PTPRB: variants seen among roughly 807,000 people sequenced by gnomAD.
The protein encoded by PTPRB is receptor-type tyrosine-protein phosphatase beta.
Under a neutral mutation model 238.1 loss-of-function variants are expected in PTPRB, and 97 were observed. The observed-to-expected ratio is 0.41, with a 90% confidence interval of 0.35 to 0.48. The LOEUF (loss-of-function observed/expected upper bound fraction) is 0.48, where lower values mean the gene tolerates loss of function less well. Among genes scored for constraint, PTPRB ranks in the 20% least tolerant of loss-of-function variants. The pLI, the probability that PTPRB is intolerant of heterozygous loss-of-function variation, is 0.30. For missense variants in PTPRB, 2,292 were observed against 2,681.9 expected (o/e 0.85, Z 3.21); for synonymous variants, 970 against 995.4 (o/e 0.97, Z 0.48).
chr12:70,596,386 A>G, intron 4 of PTPRB, 59 bp from the exon 5 acceptor site: 6 of 1,324,556 alleles, frequency 4.5e-6, no homozygotes, highest in Non-Finnish European at 5.8e-6. Flanking sequence ...AGAAAAAAAA[A>G]GAACATGGCT....
intron 10 of PTPRB, among the ~76,000 whole-genome samples, chr12:70,577,996 T>C (rs1278603238): frequency 6.6e-6 from 1 of 152,220 alleles, no homozygotes; most frequent in Non-Finnish European, 1.5e-5. Context: ...ATTATGCTTG[T>C]TTTTAAAAAC....
chr12:70,587,391 C>T, intron 8 of PTPRB, 124 bp from the exon 9 acceptor site: 1 of 1,163,402 alleles, frequency 8.6e-7, no homozygotes, highest in African/African-American at 1.6e-5. Context: ...TTATGAATGT[C>T]TCTGAGCATT....
intron 9 of PTPRB, among the ~76,000 whole-genome samples, chr12:70,582,813 T>C (rs1172331705): frequency 6.6e-6 from 1 of 151,998 alleles, no homozygotes; most frequent in African/African-American, 2.4e-5. Flanking sequence ...GACATCAAAA[T>C]GAAAAACCGA....
In PTPRB at chr12:70,552,970, C is replaced by G. The variant is rs2136300211; in HGVS notation, c.5194G>C (p.Glu1732Gln). The change falls in exon 21 of 34, where the codon GAG becomes CAG. Residue 1732 changes from glutamate (E) to glutamine (Q), a missense_variant. By Grantham distance (29) the Glu-to-Gln change is conservative. Around this residue, in one of 4 missense-constraint regions of PTPRB, gnomAD observed 683 missense variants for 862.0 expected, o/e 0.79. Coordinates refer to ENST00000334414, the MANE Select transcript of PTPRB (RefSeq NM_001109754.4). ...EQQHPLPSYL[E>Q]YRHNASIRVY... ...CGAATGGAGGCATTGTGCCTGTACT[C>G]CAGGTAGGAAGGGAGAGGGTGCTGC... is the stretch of plus-strand genomic sequence containing the variant. 6.2e-7 allele frequency: 1 copy of G among 1,613,798 alleles called. No homozygotes were observed. Among genetic ancestry groups the G allele is most frequent in the Non-Finnish European group, 8.5e-7 (1 of 1,179,718 alleles).
chr12:70,576,418 TG>T lies in PTPRB; in HGVS notation c.2805del (p.Lys936SerfsTer31). The T allele has an allele frequency of 6.2e-7, 1 of 1,611,036 alleles. No individual in the cohort carries two copies. Among genetic ancestry groups the T allele is most frequent in the Non-Finnish European group, 8.5e-7 (1 of 1,178,766 alleles). On this transcript the variant is annotated frameshift_variant, in exon 11 of 34. Coordinates refer to ENST00000334414, the MANE Select transcript of PTPRB (RefSeq NM_001109754.4). LOFTEE classifies it high-confidence loss of function. ...TGGCTGAAGGAGTGATTTTCATACT[TG>T]CCACTCCTTGTAGTTATGGTCACGG... ...LYTVTITTRSGKYENHSFSQE... is the reference protein window; with the variant it reads ...LYTVTITTRSXKYENHSFSQE...
Position 70,538,174 on chromosome 12 carries a change from A to G in PTPRB, c.5927T>C (p.Ile1976Thr). Residue 1976 changes from isoleucine to threonine, a missense_variant, in exon 28 of 34, where the codon ATC becomes ACC. By Grantham distance (89) the Ile-to-Thr change is moderately conservative. This residue lies in a region of PTPRB where 397 missense variants were observed against 502.0 expected (regional missense o/e 0.79). Coordinates refer to ENST00000334414, the MANE Select transcript of PTPRB (RefSeq NM_001109754.4). ...NVDDDPCSDY[I>T]NASYIPGNNF... ...ACTTACAGGGATGTAGCTGGCATTG[A>G]TGTAGTCAGAGCAAGGATCATCATC... is the stretch of plus-strand genomic sequence containing the variant. The G allele has an allele frequency of 6.2e-7, 1 of 1,613,700 alleles. No homozygotes were observed. The highest frequency in any genetic ancestry group is 8.5e-7 in the Non-Finnish European group (1 of 1,179,722).
intron 22 of PTPRB, among the ~76,000 whole-genome samples, 175 bp downstream of exon 22, chr12:70,544,382 C>T (rs1014785560): frequency 1.2e-4 from 18 of 152,076 alleles, no homozygotes; most frequent in African/African-American, 4.1e-4. Flanking sequence ...CCTTTCAATC[C>T]ATTCTTCTAG....
intron 10 of PTPRB, among the ~76,000 whole-genome samples, chr12:70,578,636 A>C (rs779458185): frequency 3.3e-5 from 5 of 151,820 alleles, no homozygotes; most frequent in Non-Finnish European, 7.4e-5. Context: ...TAAAATATAA[A>C]TAAAAATATA....
At chr12:70,610,135 C>T (rs1438881259) in intron 3 of PTPRB, among the ~76,000 whole-genome samples, 2 of 152,158 alleles carry the variant, frequency 1.3e-5, no homozygotes, top group Admixed American at 6.5e-5. Context: ...TCCTCGTCTC[C>T]CGGCAAAGGA....
intron 2 of PTPRB, among the ~76,000 whole-genome samples, chr12:70,625,703 A>C (rs80243465): frequency 0.033 from 5,062 of 152,256 alleles, 108 homozygotes; most frequent in Non-Finnish European, 0.046. Flanking sequence ...GAATAGCAAG[A>C]TGTTTTGACA....
intron 6 of PTPRB, 127 bp downstream of exon 6, chr12:70,594,340 G>A: frequency 8.1e-7 from 1 of 1,232,884 alleles, no homozygotes. Context: ...AAGTGGATAT[G>A]GGTCTTCTAT....
intron 33 of PTPRB, among the ~76,000 whole-genome samples, chr12:70,523,625 GAAGA>G (rs927477634): frequency 6.6e-6 from 1 of 152,084 alleles, no homozygotes; most frequent in African/African-American, 2.4e-5. Flanking sequence ...AGCTAGGCTG[GAAGA>G]GATACCTTGT....
At position 70,635,865 on chromosome 12, in the gene PTPRB, C is replaced by T. The variant is rs758650156; in HGVS notation, c.257G>A (p.Arg86His). 6 of 1,613,630 alleles carry T rather than the reference C, an allele frequency of 3.7e-6. No homozygotes were observed. Among genetic ancestry groups the T allele is most frequent in the Non-Finnish European group, 2.5e-6 (3 of 1,179,776 alleles). Residue 86 changes from arginine to histidine, a missense_variant, in exon 2 of 34, where the codon CGC (arginine) becomes CAC (histidine). Around this residue, in one of 4 missense-constraint regions of PTPRB, gnomAD observed 1,205 missense variants for 1,287.8 expected, o/e 0.94. Transcript: ENST00000334414. ...GGTCCATCGGGGTGCCTGGGAACAG[C>T]GGTCCAAGATGGCTGAGCGGGAGGG... ...RGPSRSAILD[R>H]CSQAPRWTCY...
intron 21 of PTPRB, among the ~76,000 whole-genome samples, chr12:70,545,912 A>C (rs1179621514): frequency 6.6e-6 from 1 of 152,146 alleles, no homozygotes; most frequent in Non-Finnish European, 1.5e-5. Context: ...CAAGGCAGGC[A>C]GATCACCTGA....
chr12:70,553,067 G>GGTGATTTCA, intron 20 of PTPRB, 47 bp from the exon 21 acceptor site: 4 of 1,568,776 alleles, frequency 2.5e-6, no homozygotes, highest in Non-Finnish European at 3.5e-6. Flanking sequence ...TTGTGACTTA[G>GGTGATTTCA]GTGATTTCAG....
chr12:70,563,073 C>T lies in PTPRB; in HGVS notation c.3939G>A (p.Glu1313=). The change falls in exon 16 of 34, where the codon GAG becomes GAA. Residue 1313 remains glutamate, a synonymous_variant. Coordinates refer to ENST00000334414, the MANE Select transcript of PTPRB (RefSeq NM_001109754.4). ...PAAVTDLRIT[E]NSTRHLSFRW... ...GGAAGGACAGGTGCCTGGTGGAGTTCTCTGTGATCCTCAGGTCGGTGACAG... is the reference window on the plus strand; with the variant it reads ...GGAAGGACAGGTGCCTGGTGGAGTTTTCTGTGATCCTCAGGTCGGTGACAG... 4 of 1,613,504 alleles carry T rather than the reference C, an allele frequency of 2.5e-6. No homozygotes were observed. The highest frequency in any genetic ancestry group is 2.2e-5 in the East Asian group (1 of 44,844).
Position 70,589,948 on chromosome 12 carries a change from C to A in PTPRB, c.2050+16G>T. 6.2e-7 allele frequency: 1 copy of A among 1,609,458 alleles called. No individual in the cohort carries two copies. Among genetic ancestry groups the A allele is most frequent in the Non-Finnish European group, 8.5e-7 (1 of 1,178,182 alleles). On this transcript the variant is annotated intron_variant, in intron 8 of 33. Transcript: ENST00000334414. ...ATTACTCTTCCATTGGTATTAACAT[C>A]TTCATATTTGCCTACCTGTCCTGCC...
At position 70,516,875 on chromosome 12, in the gene PTPRB, CTTTA is replaced by C. The variant is rs1871233331; in HGVS notation, c.*4610_*4613del. 2 of 152,262 alleles carry C rather than the reference CTTTA, an allele frequency of 1.3e-5. No homozygotes were observed. Among genetic ancestry groups the C allele is most frequent in the South Asian group, 4.1e-4 (2 of 4,828 alleles). The allele number at this position is 152,262 out of a possible 1,614,324, so 9.4% of individuals were successfully genotyped here. ...TTTTCAGAGCATTCACCAACAATTT[CTTTA>C]TTTAATAAGTGTATCTTATATAGAC... On this transcript the variant is annotated 3_prime_UTR_variant, in exon 34 of 34. Coordinates refer to ENST00000334414, the MANE Select transcript of PTPRB (RefSeq NM_001109754.4).
At chr12:70,620,094 A>G (rs1884861041) in intron 3 of PTPRB, among the ~76,000 whole-genome samples, 1 of 152,242 alleles carries the variant, frequency 6.6e-6, no homozygotes, top group South Asian at 2.1e-4. Context: ...TTACCAGGAC[A>G]TAGTTAAAAC....
Sources: allele counts gnomAD v4.1 joint callset (sites outside exome capture counted in the v4.1 genomes callset), GRCh38; gene constraint gnomAD v4.1.1; regional missense constraint gnomAD v4.1.1; transcripts MANE v1.5; gene names NCBI Gene and HGNC (gene_info 2026-07-23, HGNC 2026-07-21).